IQGAP2: variants seen among roughly 807,000 people sequenced by gnomAD.
IQGAP2 encodes IQ motif containing GTPase activating protein 2.
IQGAP2 carries 173 observed loss-of-function variants against 201.3 expected under a neutral mutation model. That is an observed-to-expected ratio of 0.86 (90% CI 0.76 to 0.98). The LOEUF (loss-of-function observed/expected upper bound fraction) is 0.98. Among genes scored for constraint, IQGAP2 ranks in the 50% least tolerant of loss-of-function variants. IQGAP2 has a pLI of 0.00. For synonymous variants in IQGAP2, 675 were observed against 673.9 expected (o/e 1.00, Z -0.03); for missense variants, 1,687 against 1,864.8 (o/e 0.90, Z 1.76).
intron 2 of IQGAP2, among the ~76,000 whole-genome samples, chr5:76,548,822 G>A (rs746575969): frequency 6.6e-6 from 1 of 152,098 alleles, no homozygotes; most frequent in Non-Finnish European, 1.5e-5. Flanking sequence ...GCAGAAACCT[G>A]GCTCTCCTGA....
intron 35 of IQGAP2, among the ~76,000 whole-genome samples, chr5:76,703,157 G>T (rs1405231814): frequency 7.1e-6 from 1 of 141,802 alleles, no homozygotes; most frequent in Non-Finnish European, 1.5e-5. Context: ...TGGGGGGAGG[G>T]GGTGGGGGGG....
At chr5:76,557,087 T>C in intron 2 of IQGAP2, among the ~76,000 whole-genome samples, 1 of 152,224 alleles carries the variant, frequency 6.6e-6, no homozygotes, top group East Asian at 1.9e-4. Context: ...GCCGTGGAAC[T>C]CTACCGCTAC....
chr5:76,524,712 C>A (rs930316850), intron 2 of IQGAP2, among the ~76,000 whole-genome samples: 3 of 152,100 alleles, frequency 2.0e-5, no homozygotes, highest in Admixed American at 6.6e-5. Context: ...AATTCTTTAA[C>A]CTTATAACTA....
At chr5:76,609,414 C>T (rs914300553) in intron 12 of IQGAP2, among the ~76,000 whole-genome samples, 3 of 152,256 alleles carry the variant, frequency 2.0e-5, no homozygotes, top group South Asian at 4.1e-4. Flanking sequence ...AATACTTCTG[C>T]TTTTTCTTCA....
chr5:76,467,845 C>A (rs1754867821), intron 2 of IQGAP2, among the ~76,000 whole-genome samples: 1 of 151,998 alleles, frequency 6.6e-6, no homozygotes, highest in Non-Finnish European at 1.5e-5. Flanking sequence ...ACCTTAAAAA[C>A]ATGTTGAGTG....
rs139440648 is a variant in IQGAP2, at chr5:76,562,442, T to C, written c.193T>C (p.Leu65=). The C allele has an allele frequency of 2.7e-4, 435 of 1,613,788 alleles. No individual in the cohort carries two copies. The highest frequency in any genetic ancestry group is 3.4e-4 in the Non-Finnish European group (407 of 1,179,886). ...TGAAGAATTGCCACCAACCACTGAATTGGAAGAAGGGCTCCGGAATGGAGT... is the reference window on the plus strand; with the variant it reads ...TGAAGAATTGCCACCAACCACTGAACTGGAAGAAGGGCTCCGGAATGGAGT... ...LVEELPPTTE[L]EEGLRNGVYL... is the part of the protein sequence containing the mutation. The change falls in exon 3 of 36, where the codon TTG becomes CTG. Residue 65 remains leucine, a synonymous_variant. Transcript: ENST00000274364.
At chr5:76,578,032 C>A (rs895324693) in intron 5 of IQGAP2, among the ~76,000 whole-genome samples, 1 of 152,194 alleles carries the variant, frequency 6.6e-6, no homozygotes, top group Non-Finnish European at 1.5e-5. Context: ...TTAGCCCTGA[C>A]CAAACTTGTC....
chr5:76,423,217 A>G (rs984447338), intron 1 of IQGAP2, among the ~76,000 whole-genome samples: 3 of 152,236 alleles, frequency 2.0e-5, no homozygotes, highest in African/African-American at 7.2e-5. Flanking sequence ...ATTTTTTGGC[A>G]CAGTGACTGT....
intron 1 of IQGAP2, among the ~76,000 whole-genome samples, chr5:76,409,502 C>T (rs985490690): frequency 2.6e-5 from 4 of 152,184 alleles, no homozygotes; most frequent in Middle Eastern, 3.4e-3. Flanking sequence ...CTTCCTCAGC[C>T]TCCCAAATTG....
rs1318977331 is a variant in IQGAP2 at position 76,707,623 on chromosome 5, G to A, written c.*310G>A. 4.5e-6 allele frequency: 1 copy of A among 224,366 alleles called. No individual in the cohort carries two copies. The highest frequency in any genetic ancestry group is 8.6e-6 in the Non-Finnish European group (1 of 116,034). The allele number at this position is 224,366 out of a possible 1,614,324, so 13.9% of individuals were successfully genotyped here. On this transcript the variant is annotated 3_prime_UTR_variant, in exon 36 of 36. Transcript: ENST00000274364. ...GGGGTGGGAAATTTAGCTGACTAGG[G>A]ACAAACATGTAAACCTATTTTCCTA...
At chr5:76,644,149 G>A (rs890842404) in intron 17 of IQGAP2, among the ~76,000 whole-genome samples, 4 of 151,952 alleles carry the variant, frequency 2.6e-5, no homozygotes, top group East Asian at 3.8e-4. Flanking sequence ...AGGTCTAAGC[G>A]TTTTGACAGA....
At chr5:76,602,403 GC>G (rs1747490010) in intron 11 of IQGAP2, among the ~76,000 whole-genome samples, 1 of 151,986 alleles carries the variant, frequency 6.6e-6, no homozygotes, top group African/African-American at 2.4e-5. Context: ...CATGACATTA[GC>G]CCCTGACTCA....
intron 2 of IQGAP2, among the ~76,000 whole-genome samples, chr5:76,538,931 C>G (rs1368144997): frequency 6.6e-6 from 1 of 152,158 alleles, no homozygotes; most frequent in Non-Finnish European, 1.5e-5. Context: ...TAGCCTGCTG[C>G]TTTTGTGTGG....
At chr5:76,425,293 A>C (rs538241956) in intron 1 of IQGAP2, among the ~76,000 whole-genome samples, 1 of 152,292 alleles carries the variant, frequency 6.6e-6, no homozygotes, top group South Asian at 2.1e-4. Flanking sequence ...TTCTTCATTA[A>C]AATTTTATTG....
intron 3 of IQGAP2, among the ~76,000 whole-genome samples, chr5:76,563,074 C>T (rs1419698293): frequency 6.6e-6 from 1 of 152,146 alleles, no homozygotes; most frequent in Non-Finnish European, 1.5e-5. Context: ...CTTTTAGAAA[C>T]ATCACAACAG....
Position 76,683,170 on chromosome 5 carries a change from A to G in IQGAP2, c.3716A>G (p.Glu1239Gly). 1.2e-6 allele frequency: 2 copies of G among 1,612,720 alleles called. No individual in the cohort carries two copies. Among genetic ancestry groups the G allele is most frequent in the East Asian group, 2.2e-5 (1 of 44,754 alleles). ...IAPEKNDLLS[E>G]LLGSLGEVPT... ...CCTGAGAAAAATGACTTACTGAGTG[A>G]ATTGCTGGGGTCGCTGGGAGAGGTG... The change falls in exon 29 of 36, where the codon GAA becomes GGA. Residue 1239 changes from glutamate (E) to glycine (G), a missense_variant. By Grantham distance (98) the Glu-to-Gly change is moderately conservative (BLOSUM62 -2). Coordinates refer to ENST00000274364, the MANE Select transcript of IQGAP2 (RefSeq NM_006633.5).
At chr5:76,552,241 A>T (rs1442222756) in intron 2 of IQGAP2, among the ~76,000 whole-genome samples, 2 of 152,098 alleles carry the variant, frequency 1.3e-5, no homozygotes, top group Non-Finnish European at 2.9e-5. Context: ...TGTTTCTGCT[A>T]CTGGTAGAAC....
intron 3 of IQGAP2, among the ~76,000 whole-genome samples, chr5:76,569,774 G>A (rs1561471329): frequency 6.6e-6 from 1 of 152,110 alleles, no homozygotes; most frequent in Non-Finnish European, 1.5e-5. Context: ...AGATAACATG[G>A]TGCTATGCAT....
At chr5:76,641,727 A>G (rs1435458730) in intron 17 of IQGAP2, among the ~76,000 whole-genome samples, 2 of 152,146 alleles carry the variant, frequency 1.3e-5, no homozygotes, top group Non-Finnish European at 2.9e-5. Flanking sequence ...CAGTCACCAC[A>G]CTGGTTTGTG....
Sources: allele counts gnomAD v4.1 joint callset (sites outside exome capture counted in the v4.1 genomes callset), GRCh38; gene constraint gnomAD v4.1.1; transcripts MANE v1.5; gene names NCBI Gene and HGNC (gene_info 2026-07-23, HGNC 2026-07-21).